The following LRRC37A variants were observed in gnomAD, a reference collection of about 807,000 sequenced individuals.
The protein encoded by LRRC37A is leucine-rich repeat-containing protein 37A.
In LRRC37A, 3 loss-of-function variants were observed where a neutral mutation model predicts 35.4. That is an observed-to-expected ratio of 0.08 (90% CI 0.04 to 0.22). LRRC37A has a LOEUF of 0.22. LRRC37A is among the 10% of genes least tolerant of loss of function. LRRC37A has a pLI of 1.00. For missense variants in LRRC37A, 67 were observed against 565.3 expected (o/e 0.12, Z 8.94); for synonymous variants, 23 against 215.0 (o/e 0.11, Z 7.81).
At chr17:46,266,554 A>T in the LRRC37A span, among the ~76,000 whole-genome samples, 3 of 152,108 alleles carry the variant, frequency 2.0e-5, no homozygotes, top group African/African-American at 7.2e-5. Flanking sequence ...GGGTGTGGAG[A>T]AGGGGTTAGA....
chr17:46,269,140 A>G, the LRRC37A span, among the ~76,000 whole-genome samples: 6 of 152,258 alleles, frequency 3.9e-5, no homozygotes, highest in Non-Finnish European at 7.3e-5. Flanking sequence ...AATTCTTCAC[A>G]TAACAGTAAG....
the LRRC37A span, among the ~76,000 whole-genome samples, chr17:46,269,613 G>A: frequency 6.6e-6 from 1 of 152,242 alleles, no homozygotes; most frequent in African/African-American, 2.4e-5. Context: ...CTTACTTCAG[G>A]CAAAAGTGTT....
chr17:46,275,346 C>G, the LRRC37A span: 2 of 959,554 alleles, frequency 2.1e-6, no homozygotes, highest in Non-Finnish European at 3.1e-6. Context: ...CAACAAGATT[C>G]TTGCTGTGTT....
At chr17:46,252,079 A>ATCCTT in the LRRC37A span, among the ~76,000 whole-genome samples, 1 of 152,260 alleles carries the variant, frequency 6.6e-6, no homozygotes, top group Non-Finnish European at 1.5e-5. Flanking sequence ...CAAAGATGGA[A>ATCCTT]TCCTTAGTAA....
the LRRC37A span, chr17:46,267,404 T>TG: frequency 6.2e-7 from 1 of 1,610,182 alleles, no homozygotes; most frequent in Non-Finnish European, 8.5e-7. Flanking sequence ...CGGGACGGGC[T>TG]GTACAAGATG....
chr17:46,279,658 T>C, the LRRC37A span, among the ~76,000 whole-genome samples: 1 of 151,996 alleles, frequency 6.6e-6, no homozygotes, highest in Non-Finnish European at 1.5e-5. Flanking sequence ...TCACCATGCC[T>C]GGCTAATTTT....
the LRRC37A span, among the ~76,000 whole-genome samples, chr17:46,273,995 C>T: frequency 6.6e-6 from 1 of 152,190 alleles, no homozygotes; most frequent in Non-Finnish European, 1.5e-5. Context: ...TCAACTGATG[C>T]GACAGGATTA....
the LRRC37A span, among the ~76,000 whole-genome samples, chr17:46,278,536 T>C: frequency 1.3e-5 from 2 of 151,850 alleles, no homozygotes; most frequent in Non-Finnish European, 2.9e-5. Flanking sequence ...CCTGAGTAGC[T>C]GGGATTACAG....
At chr17:46,281,158 G>A in the LRRC37A span, among the ~76,000 whole-genome samples, 1 of 152,168 alleles carries the variant, frequency 6.6e-6, no homozygotes, top group Non-Finnish European at 1.5e-5. Context: ...TTATAGTGAT[G>A]TATGTAGGAG....
upstream of LRRC37A, among the ~76,000 whole-genome samples, chr17:46,290,169 G>A (rs1457497710): frequency 8.5e-5 from 13 of 152,310 alleles, no homozygotes; most frequent in South Asian, 6.2e-4. Context: ...TCACTTGATC[G>A]CCCCGGCTAG....
At chr17:46,260,997 G>C in the LRRC37A span, among the ~76,000 whole-genome samples, 1 of 152,180 alleles carries the variant, frequency 6.6e-6, no homozygotes, top group African/African-American at 2.4e-5. Flanking sequence ...CTCATAAATG[G>C]GAGCTAAGCT....
At chr17:46,265,256 T>TTCC in the LRRC37A span, among the ~76,000 whole-genome samples, 6 of 8,868 alleles carry the variant, frequency 6.8e-4, no homozygotes, top group Non-Finnish European at 1.2e-3. Context: ...TTTCTTCTTC[T>TTCC]TCTTCTTCTT....
At chr17:46,265,232 AC>A in the LRRC37A span, among the ~76,000 whole-genome samples, 1 of 150,932 alleles carries the variant, frequency 6.6e-6, no homozygotes. Flanking sequence ...TTAATGCTCA[AC>A]GGACAAATTT....
chr17:46,262,868 C>T, the LRRC37A span, among the ~76,000 whole-genome samples: 4 of 152,018 alleles, frequency 2.6e-5, no homozygotes, highest in Non-Finnish European at 5.9e-5. Context: ...GAATTGATGG[C>T]ACTGAAAATG....
chr17:46,253,455 C>T, the LRRC37A span, among the ~76,000 whole-genome samples: 2 of 152,264 alleles, frequency 1.3e-5, no homozygotes, highest in Middle Eastern at 6.8e-3. Context: ...CCAGCCTGGG[C>T]ACCACTGAGC....
At position 46,304,559 on chromosome 17, in the gene LRRC37A, T is replaced by C. The variant is rs1411237655; in HGVS notation, c.2754-950T>C. Among the ~76,000 whole-genome samples, 3 of 76,984 alleles carry C rather than the reference T, an allele frequency of 3.9e-5. 1 individual carries two copies. Among genetic ancestry groups the C allele is most frequent in the African/African-American group, 9.9e-5 (3 of 30,388 alleles). The allele number at this position is 76,984 out of a possible 152,430, so 50.5% of individuals were successfully genotyped here. The stretch of plus-strand genomic sequence containing the variant: ...AGTTTAGGTAGGGAGAGACTGGAGA[T>C]GGAGATATCAGCCAGACAACGTTAC... On this transcript the variant is annotated intron_variant, in intron 3 of 13. Coordinates refer to ENST00000320254, the Ensembl canonical transcript of LRRC37A.
the LRRC37A span, chr17:46,260,616 T>TTC: frequency 2.2e-5 from 30 of 1,356,738 alleles, no homozygotes; most frequent in Admixed American, 3.1e-4. Flanking sequence ...TGGCTCTCTA[T>TTC]TCTCTTTTTT....
the LRRC37A span, among the ~76,000 whole-genome samples, chr17:46,275,837 T>G: frequency 6.6e-6 from 1 of 152,102 alleles, no homozygotes; most frequent in South Asian, 2.1e-4. Context: ...AATTTTAAAA[T>G]CATATTTTTC....
At chr17:46,267,982 C>T in the LRRC37A span, among the ~76,000 whole-genome samples, 1 of 148,580 alleles carries the variant, frequency 6.7e-6, no homozygotes, top group African/African-American at 2.5e-5. Context: ...CTCACTGCAA[C>T]CTCCGTCCCC....
Sources: allele counts gnomAD v4.1 joint callset (sites outside exome capture counted in the v4.1 genomes callset), GRCh38; gene constraint gnomAD v4.1.1; transcripts MANE v1.5; gene names NCBI Gene and HGNC (gene_info 2026-07-23, HGNC 2026-07-21).